The following ENAH variants were observed in gnomAD, a reference collection of about 807,000 sequenced individuals.
The protein encoded by ENAH is protein enabled homolog.
In ENAH, 23 loss-of-function variants were observed where a neutral mutation model predicts 78.7. The ratio of observed to expected loss-of-function variants is 0.29; its 90% CI spans 0.21 to 0.41. ENAH has a LOEUF of 0.41. ENAH is among the 10% of genes least tolerant of loss of function. ENAH has a pLI of 1.00. For missense variants in ENAH, 544 were observed against 691.0 expected (o/e 0.79, Z 2.39); for synonymous variants, 226 against 241.0 (o/e 0.94, Z 0.58).
chr1:225,590,363 C>G (rs1444160538), intron 1 of ENAH, among the ~76,000 whole-genome samples: 1 of 151,972 alleles, frequency 6.6e-6, no homozygotes, highest in East Asian at 1.9e-4. Flanking sequence ...ACTCAGGAGG[C>G]TGAGGCTCAA....
chr1:225,618,727 G>A (rs1472834605), intron 1 of ENAH, among the ~76,000 whole-genome samples: 1 of 152,102 alleles, frequency 6.6e-6, no homozygotes, highest in Non-Finnish European at 1.5e-5. Flanking sequence ...ACACTTAAAT[G>A]AGAACACTAT....
chr1:225,526,675 A>C (rs372587078), intron 4 of ENAH, among the ~76,000 whole-genome samples: 3 of 152,284 alleles, frequency 2.0e-5, no homozygotes, highest in South Asian at 4.1e-4. Flanking sequence ...GTGGTTTTTA[A>C]AAAAAGTTTC....
intron 1 of ENAH, among the ~76,000 whole-genome samples, chr1:225,589,462 C>G (rs2096864748): frequency 6.6e-6 from 1 of 152,128 alleles, no homozygotes; most frequent in South Asian, 2.1e-4. Flanking sequence ...CTCGGAGGAA[C>G]TGGCTGCAGG....
chr1:225,634,189 T>C (rs1659629406), intron 1 of ENAH, among the ~76,000 whole-genome samples: 1 of 152,218 alleles, frequency 6.6e-6, no homozygotes, highest in African/African-American at 2.4e-5. Context: ...TAGGCTAGTC[T>C]ATTAAAGTCT....
intron 4 of ENAH, among the ~76,000 whole-genome samples, chr1:225,525,355 T>C (rs2096495595): frequency 6.6e-6 from 1 of 152,220 alleles, no homozygotes. Flanking sequence ...ACAATTTTTT[T>C]CTTACTTTGG....
At chr1:225,534,911 T>TA (rs1382417218) in intron 3 of ENAH, among the ~76,000 whole-genome samples, 1 of 152,104 alleles carries the variant, frequency 6.6e-6, no homozygotes, top group African/African-American at 2.4e-5. Flanking sequence ...ACAATACATA[T>TA]ATGTGCACAC....
At chr1:225,596,231 T>C (rs902864012) in intron 1 of ENAH, among the ~76,000 whole-genome samples, 2 of 152,214 alleles carry the variant, frequency 1.3e-5, no homozygotes, top group African/African-American at 2.4e-5. Flanking sequence ...AAAGTACTCT[T>C]CATTGAAAAA....
At chr1:225,640,007 T>G (rs1660745017) in intron 1 of ENAH, among the ~76,000 whole-genome samples, 1 of 152,206 alleles carries the variant, frequency 6.6e-6, no homozygotes, top group African/African-American at 2.4e-5. Flanking sequence ...TGAAAGCATT[T>G]TAACAGATTG....
intron 3 of ENAH, 152 bp downstream of exon 3, chr1:225,554,754 A>G (rs17561221): frequency 0.046 from 26,771 of 578,868 alleles, 816 homozygotes; most frequent in South Asian, 0.095. Context: ...AAAAATTCAA[A>G]AACTACTTCA....
At chr1:225,513,414 T>C (rs908576174) in intron 7 of ENAH, among the ~76,000 whole-genome samples, 8 of 152,152 alleles carry the variant, frequency 5.3e-5, no homozygotes, top group African/African-American at 1.4e-4. Context: ...TTATGAAAGA[T>C]TGAGGAACTG....
chr1:225,643,752 A>T (rs938995386), intron 1 of ENAH, among the ~76,000 whole-genome samples: 4 of 152,096 alleles, frequency 2.6e-5, no homozygotes, highest in Non-Finnish European at 4.4e-5. Flanking sequence ...CCTGGGCAAC[A>T]TAGCGAGACC....
chr1:225,574,554 A>C (rs888510858), intron 1 of ENAH, among the ~76,000 whole-genome samples: 4 of 151,956 alleles, frequency 2.6e-5, no homozygotes, highest in Non-Finnish European at 4.4e-5. Flanking sequence ...GTGAGCCAAC[A>C]GTACGCCACT....
At chr1:225,498,775 T>A (rs2096264246) in intron 12 of ENAH, among the ~76,000 whole-genome samples, 1 of 152,216 alleles carries the variant, frequency 6.6e-6, no homozygotes, top group African/African-American at 2.4e-5. Context: ...GAGGAAGATA[T>A]TACAGTAAAC....
chr1:225,598,046 T>C (rs76470756), intron 1 of ENAH, among the ~76,000 whole-genome samples: 5 of 151,986 alleles, frequency 3.3e-5, no homozygotes, highest in African/African-American at 1.2e-4. Context: ...TTTTTTAAGG[T>C]AAGGAGACAG....
intron 11 of ENAH, among the ~76,000 whole-genome samples, chr1:225,503,291 T>TA (rs1315779664): frequency 3.3e-5 from 5 of 152,188 alleles, no homozygotes; most frequent in African/African-American, 9.7e-5. Context: ...TTACTACATT[T>TA]AAAAAATATA....
chr1:225,604,319 G>A (rs990774708), intron 1 of ENAH, among the ~76,000 whole-genome samples: 2 of 152,096 alleles, frequency 1.3e-5, no homozygotes, highest in Non-Finnish European at 2.9e-5. Flanking sequence ...TTTGGAAAAT[G>A]TCAATGACTT....
intron 1 of ENAH, among the ~76,000 whole-genome samples, chr1:225,618,811 C>A (rs1279168620): frequency 1.3e-5 from 2 of 152,112 alleles, no homozygotes; most frequent in Non-Finnish European, 2.9e-5. Context: ...TAAAAAAATT[C>A]CAAAGGATTC....
At chr1:225,646,328 T>C (rs749156141) in intron 1 of ENAH, among the ~76,000 whole-genome samples, 2 of 152,078 alleles carry the variant, frequency 1.3e-5, no homozygotes, top group Non-Finnish European at 2.9e-5. Flanking sequence ...CCTAATTCAA[T>C]AGGATTAATG....
At chr1:225,587,201 G>A (rs761803937) in intron 1 of ENAH, among the ~76,000 whole-genome samples, 5 of 151,842 alleles carry the variant, frequency 3.3e-5, no homozygotes, top group African/African-American at 4.8e-5. Context: ...CTAAGGCAAA[G>A]AAAGAAAAGG....
Sources: allele counts gnomAD v4.1 joint callset (sites outside exome capture counted in the v4.1 genomes callset), GRCh38; gene constraint gnomAD v4.1.1; transcripts MANE v1.5; gene names NCBI Gene and HGNC (gene_info 2026-07-23, HGNC 2026-07-21).